The following TMCO4 variants were observed in gnomAD, a reference collection of about 807,000 sequenced individuals.
TMCO4 encodes transmembrane and coiled-coil domain-containing protein 4.
A neutral mutation model predicts 64.7 loss-of-function variants in TMCO4; 58 were observed. The observed-to-expected ratio is 0.90, with a 90% CI of 0.73 to 1.12. The LOEUF is 1.12. TMCO4 is among the 50% of genes most tolerant of loss of function. The pLI is 0.00. For synonymous variants in TMCO4, 325 were observed against 346.1 expected, an observed-to-expected ratio of 0.94 and a Z score of 0.68; for missense variants, 780 against 825.9, an observed-to-expected ratio of 0.94 and a Z score of 0.68.
chr1:19,740,753 TG>T (rs778467387), intron 11 of TMCO4, 23 bp downstream of exon 11: 1 of 1,594,350 alleles, frequency 6.3e-7, no homozygotes, highest in Non-Finnish European at 8.6e-7. Context: ...ATGCTGTTGT[TG>T]GGGGGCAGGT....
At chr1:19,712,115 T>A (rs2095333403) in intron 13 of TMCO4, among the ~76,000 whole-genome samples, 1 of 152,150 alleles carries the variant, frequency 6.6e-6, no homozygotes, top group African/African-American at 2.4e-5. Flanking sequence ...TGTAGGGCTA[T>A]TAATTGGCCT....
chr1:19,739,691 G>A (rs2095470292), intron 12 of TMCO4, 133 bp downstream of exon 12: 3 of 1,298,572 alleles, frequency 2.3e-6, no homozygotes, highest in Non-Finnish European at 3.1e-6. Context: ...GAGGCAGCAA[G>A]GACTGCCCAC....
At chr1:19,698,606 C>T (rs942589742) in intron 14 of TMCO4, among the ~76,000 whole-genome samples, 2 of 152,238 alleles carry the variant, frequency 1.3e-5, no homozygotes, top group Admixed American at 1.3e-4. Context: ...TTCTCAGCAG[C>T]TAAAAGGCCT....
At chr1:19,798,500 G>A (rs1180913256) in intron 1 of TMCO4, among the ~76,000 whole-genome samples, 1 of 152,194 alleles carries the variant, frequency 6.6e-6, no homozygotes, top group Non-Finnish European at 1.5e-5. Context: ...GTCAGATACT[G>A]CACTGGGCCT....
intron 3 of TMCO4, among the ~76,000 whole-genome samples, chr1:19,784,858 A>C (rs2043656715): frequency 6.6e-6 from 1 of 152,018 alleles, no homozygotes; most frequent in East Asian, 1.9e-4. Flanking sequence ...AAAAAAAAAA[A>C]AAAAAAAAAA....
At chr1:19,742,975 G>A (rs139953664) in intron 10 of TMCO4, among the ~76,000 whole-genome samples, 3,078 of 152,152 alleles carry the variant, frequency 0.02, 61 homozygotes, top group East Asian at 0.054. Flanking sequence ...GCTAGAACCC[G>A]GGAGGCGGAG....
intron 13 of TMCO4, among the ~76,000 whole-genome samples, chr1:19,725,936 C>T (rs1206117434): frequency 1.3e-5 from 2 of 152,190 alleles, no homozygotes; most frequent in African/African-American, 4.8e-5. Context: ...GTCCACTTTG[C>T]CAAGGCAGTT....
intron 6 of TMCO4, among the ~76,000 whole-genome samples, chr1:19,767,453 GTT>G (rs1274428829): frequency 6.6e-6 from 1 of 152,218 alleles, no homozygotes; most frequent in Non-Finnish European, 1.5e-5. Flanking sequence ...AAGACAGGCT[GTT>G]TTAAACCCAC....
At chr1:19,770,455 C>T in intron 6 of TMCO4, 87 bp downstream of exon 6, 1 of 1,495,604 alleles carries the variant, frequency 6.7e-7, no homozygotes, top group East Asian at 2.3e-5. Flanking sequence ...GGGACCCGGC[C>T]CCAGGTGGTG....
intron 13 of TMCO4, 88 bp downstream of exon 13, chr1:19,737,284 G>T: frequency 1.5e-6 from 2 of 1,307,938 alleles, no homozygotes; most frequent in South Asian, 1.4e-5. Flanking sequence ...AACACATTTT[G>T]CAAGGCTCAT....
At chr1:19,771,938 G>A (rs753330027) in intron 4 of TMCO4, among the ~76,000 whole-genome samples, 3 of 152,132 alleles carry the variant, frequency 2.0e-5, no homozygotes, top group South Asian at 2.1e-4. Flanking sequence ...GATTACAAGC[G>A]TGAGACACCG....
At chr1:19,709,589 A>T (rs2095320536) in intron 13 of TMCO4, among the ~76,000 whole-genome samples, 1 of 152,136 alleles carries the variant, frequency 6.6e-6, no homozygotes. Context: ...GTTTAAATGT[A>T]TCTTTGTGAG....
At chr1:19,719,221 G>C (rs75133314) in intron 13 of TMCO4, among the ~76,000 whole-genome samples, 1 of 152,214 alleles carries the variant, frequency 6.6e-6, no homozygotes, top group South Asian at 2.1e-4. Context: ...AGAGACATCC[G>C]AGGCTCTGTT....
At chr1:19,760,836 C>T (rs572073236) in intron 6 of TMCO4, among the ~76,000 whole-genome samples, 14 of 152,318 alleles carry the variant, frequency 9.2e-5, no homozygotes, top group African/African-American at 2.4e-4. Flanking sequence ...AATCTTTGTA[C>T]GTAAGAGGAA....
At chr1:19,790,947 G>T (rs185341682) in intron 2 of TMCO4, among the ~76,000 whole-genome samples, 1 of 152,014 alleles carries the variant, frequency 6.6e-6, no homozygotes, top group East Asian at 1.9e-4. Context: ...AGAAAATGTG[G>T]TACATATACA....
At chr1:19,715,167 G>A (rs1030366154) in intron 13 of TMCO4, among the ~76,000 whole-genome samples, 1 of 152,120 alleles carries the variant, frequency 6.6e-6, no homozygotes, top group African/African-American at 2.4e-5. Flanking sequence ...GGAGGGGGTC[G>A]AGGCTGCGGA....
At chr1:19,739,729 A>G in intron 12 of TMCO4, 95 bp downstream of exon 12, 2 of 1,517,090 alleles carry the variant, frequency 1.3e-6, no homozygotes, top group South Asian at 1.3e-5. Flanking sequence ...GTTATCTCCA[A>G]GTAGCCTTGC....
At chr1:19,726,316 G>C (rs574747790) in intron 13 of TMCO4, among the ~76,000 whole-genome samples, 2 of 152,258 alleles carry the variant, frequency 1.3e-5, no homozygotes, top group African/African-American at 4.8e-5. Context: ...ATGGCCCTGG[G>C]TGTGATGCCT....
intron 15 of TMCO4, among the ~76,000 whole-genome samples, chr1:19,689,007 G>A (rs1375221596): frequency 1.3e-5 from 2 of 152,166 alleles, no homozygotes; most frequent in Non-Finnish European, 2.9e-5. Flanking sequence ...CAGGAGGGCA[G>A]CTTCATTCAC....
Sources: gnomAD v4.1 joint callset for allele counts (sites outside exome capture counted in the v4.1 genomes callset) on GRCh38, gnomAD v4.1.1 for gene constraint, MANE v1.5 for transcripts, NCBI Gene and HGNC (gene_info 2026-07-23, HGNC 2026-07-21) for gene names.